Variants in DLG2 observed in about 807,000 individuals in gnomAD.
DLG2 encodes discs large MAGUK scaffold protein 2, also known as disks large homolog 2.
In DLG2, 45 loss-of-function variants were observed where a neutral mutation model predicts 132.5. The observed-to-expected ratio is 0.34, with a 90% confidence interval of 0.27 to 0.44. The LOEUF (loss-of-function observed/expected upper bound fraction) is 0.44, where lower values mean the gene tolerates loss of function less well. Among genes scored for constraint, DLG2 ranks in the 20% least tolerant of loss-of-function variants. The pLI, the probability that DLG2 is intolerant of heterozygous loss-of-function variation, is 1.00. For synonymous variants in DLG2, 424 were observed against 419.6 expected, an observed-to-expected ratio of 1.01 and a Z score of -0.13; for missense variants, 1,045 against 1,196.9, an observed-to-expected ratio of 0.87 and a Z score of 1.87.
chr11:85,153,578 T>C (rs1470406787), intron 5 of DLG2, among the ~76,000 whole-genome samples: 3 of 152,034 alleles, frequency 2.0e-5, no homozygotes, highest in African/African-American at 7.2e-5. Flanking sequence ...ACAGAAGATA[T>C]CCCTAAAAAA....
At chr11:84,644,534 G>A (rs990937145) in intron 6 of DLG2, among the ~76,000 whole-genome samples, 2 of 151,552 alleles carry the variant, frequency 1.3e-5, no homozygotes, top group African/African-American at 4.8e-5. Context: ...GTGAAACCCC[G>A]TCTCTACTAA....
intron 8 of DLG2, among the ~76,000 whole-genome samples, chr11:84,170,380 G>T (rs979185932): frequency 6.6e-6 from 1 of 152,190 alleles, no homozygotes; most frequent in Non-Finnish European, 1.5e-5. Context: ...AAGCACTGGA[G>T]ATACAAAGTT....
chr11:85,246,666 T>G (rs1047564667), intron 4 of DLG2, among the ~76,000 whole-genome samples: 1 of 151,872 alleles, frequency 6.6e-6, no homozygotes, highest in Non-Finnish European at 1.5e-5. Flanking sequence ...AAAATCTACA[T>G]GTCTTCATGA....
chr11:83,906,434 A>G (rs938628450), intron 15 of DLG2, among the ~76,000 whole-genome samples: 2 of 152,058 alleles, frequency 1.3e-5, no homozygotes, highest in African/African-American at 4.8e-5. Context: ...GCACGGAAGT[A>G]TAATAGGACT....
chr11:84,414,868 G>T (rs2098923664), intron 7 of DLG2, among the ~76,000 whole-genome samples: 2 of 152,060 alleles, frequency 1.3e-5, no homozygotes, highest in Admixed American at 6.6e-5. Context: ...GTTCACAATT[G>T]TATTAAAAAT....
At chr11:85,471,456 A>T (rs1038066593) in intron 3 of DLG2, among the ~76,000 whole-genome samples, 1 of 152,210 alleles carries the variant, frequency 6.6e-6, no homozygotes, top group East Asian at 1.9e-4. Flanking sequence ...GATGGTATTT[A>T]AATGTTTTTA....
intron 5 of DLG2, among the ~76,000 whole-genome samples, chr11:85,120,744 G>T (rs952954397): frequency 6.6e-6 from 1 of 152,028 alleles, no homozygotes; most frequent in African/African-American, 2.4e-5. Context: ...TGCTGGCATA[G>T]ATAATAAATG....
chr11:83,992,664 T>A (rs2093789735), intron 11 of DLG2, among the ~76,000 whole-genome samples: 1 of 152,082 alleles, frequency 6.6e-6, no homozygotes, highest in Non-Finnish European at 1.5e-5. Flanking sequence ...TAATGTACAT[T>A]CAGCCCTTGG....
intron 4 of DLG2, among the ~76,000 whole-genome samples, chr11:85,272,163 A>G (rs2077573770): frequency 1.3e-5 from 2 of 152,058 alleles, no homozygotes; most frequent in Non-Finnish European, 2.9e-5. Context: ...GTCTCACAAG[A>G]CTTGATGGTT....
chr11:84,795,490 G>A (rs2074462698), intron 6 of DLG2, among the ~76,000 whole-genome samples: 1 of 152,146 alleles, frequency 6.6e-6, no homozygotes, highest in African/African-American at 2.4e-5. Flanking sequence ...GCAGAGAGGA[G>A]CTACCCACTG....
intron 11 of DLG2, among the ~76,000 whole-genome samples, chr11:84,001,926 G>T (rs2094366937): frequency 6.6e-6 from 1 of 152,002 alleles, no homozygotes. Context: ...ACCAAAATCT[G>T]TAAGATACAG....
chr11:83,846,683 G>A (rs1382613955), intron 16 of DLG2, among the ~76,000 whole-genome samples: 3 of 151,836 alleles, frequency 2.0e-5, no homozygotes, highest in Non-Finnish European at 2.9e-5. Context: ...TAACAACCTT[G>A]GTAAATGGAA....
At chr11:85,046,957 T>G (rs1386377522) in intron 6 of DLG2, among the ~76,000 whole-genome samples, 1 of 151,942 alleles carries the variant, frequency 6.6e-6, no homozygotes, top group Admixed American at 6.6e-5. Flanking sequence ...ATTTGTTTGT[T>G]TGTTGACAAT....
At chr11:84,640,095 T>C in intron 6 of DLG2, 1 of 312,422 alleles carries the variant, frequency 3.2e-6, no homozygotes, top group Non-Finnish European at 6.1e-6. Flanking sequence ...AGGAACCCTG[T>C]GAAGGGACTT....
intron 3 of DLG2, among the ~76,000 whole-genome samples, chr11:85,499,288 C>T (rs2093739535): frequency 6.6e-6 from 1 of 152,070 alleles, no homozygotes; most frequent in South Asian, 2.1e-4. Context: ...CACAGAAATA[C>T]AAACTACCAT....
intron 18 of DLG2, among the ~76,000 whole-genome samples, chr11:83,709,641 GT>G (rs1187869070): frequency 6.6e-6 from 1 of 152,246 alleles, no homozygotes; most frequent in African/African-American, 2.4e-5. Context: ...TGCAGGTTTT[GT>G]TTTCAACAAA....
At chr11:83,910,499 T>C (rs1283664410) in intron 15 of DLG2, among the ~76,000 whole-genome samples, 1 of 152,144 alleles carries the variant, frequency 6.6e-6, no homozygotes, top group Non-Finnish European at 1.5e-5. Context: ...TAATGTCCTG[T>C]AGCATGGTAG....
chr11:83,965,555 A>C, intron 12 of DLG2, 87 bp from the exon 13 acceptor site: 1 of 1,081,538 alleles, frequency 9.2e-7, no homozygotes, highest in Non-Finnish European at 1.3e-6. Context: ...GGAATTATAA[A>C]TTGTGATAAT....
At chr11:84,935,492 A>T (rs572574157) in intron 6 of DLG2, among the ~76,000 whole-genome samples, 26 of 152,248 alleles carry the variant, frequency 1.7e-4, no homozygotes, top group African/African-American at 6.0e-4. Context: ...ACTTGTTTTG[A>T]TTCCTCTAAA....
Sources: gnomAD v4.1 joint callset for allele counts (sites outside exome capture counted in the v4.1 genomes callset) on GRCh38, gnomAD v4.1.1 for gene constraint, MANE v1.5 for transcripts, NCBI Gene and HGNC (gene_info 2026-07-23, HGNC 2026-07-21) for gene names.